The following ADARB2 variants were observed in gnomAD, a reference collection of about 807,000 sequenced individuals.
ADARB2 encodes the protein adenosine deaminase RNA specific B2 (inactive).
A neutral mutation model predicts 62.2 loss-of-function variants in ADARB2; 25 were observed. The ratio of observed to expected loss-of-function variants is 0.40; its 90% CI spans 0.29 to 0.56. The LOEUF is 0.56. ADARB2 is among the 20% of genes least tolerant of loss of function. The pLI is 0.43. For synonymous variants in ADARB2, 572 were observed against 500.8 expected, an observed-to-expected ratio of 1.14 and a Z score of -1.90; for missense variants, 1,071 against 1,077.4, an observed-to-expected ratio of 0.99 and a Z score of 0.08.
rs528401404 is a variant in ADARB2, at chr10:1,232,730, A to G, written c.1513+964T>C. Among the ~76,000 whole-genome samples, 16 of 61,900 alleles carry G rather than the reference A, an allele frequency of 2.6e-4. No individual in the cohort carries two copies. The Admixed American group carries it at 2.6e-3, about 10-fold the overall frequency. The allele number at this position is 61,900 out of a possible 152,430, so 40.6% of individuals were successfully genotyped here. A position where few individuals can be genotyped will look rare whatever the true frequency, so the allele number is the denominator to read the frequency against. On this transcript the variant is annotated intron_variant, in intron 6 of 9. Transcript: ENST00000381312. ...AGTGTATGTGGTATGTGTGTAGTGT[A>G]TGTGACATGAGTAGTGTATGTGGTA...
chr10:1,191,339 G>A (rs1589147190), intron 8 of ADARB2, among the ~76,000 whole-genome samples: 1 of 152,218 alleles, frequency 6.6e-6, no homozygotes, highest in East Asian at 1.9e-4. Flanking sequence ...CGGGGCACCC[G>A]GCACGTGCAC....
At chr10:1,534,637 C>T (rs1210785408) in intron 1 of ADARB2, 1 of 153,024 alleles carries the variant, frequency 6.5e-6, no homozygotes, top group African/African-American at 2.4e-5. Context: ...CCTGTTTTAC[C>T]CTGTGGTCTC....
intron 1 of ADARB2, among the ~76,000 whole-genome samples, chr10:1,462,049 C>G (rs1418201215): frequency 3.3e-5 from 5 of 152,192 alleles, no homozygotes; most frequent in Admixed American, 6.5e-5. Context: ...TTAATAATTA[C>G]TTTGCCATCA....
intron 1 of ADARB2, among the ~76,000 whole-genome samples, chr10:1,628,240 G>A (rs1198597352): frequency 6.6e-6 from 1 of 152,220 alleles, no homozygotes; most frequent in Admixed American, 6.5e-5. Context: ...GTCAAGGAGC[G>A]AGGGGGCCTC....
intron 3 of ADARB2, among the ~76,000 whole-genome samples, chr10:1,320,989 T>C (rs1202363648): frequency 6.6e-6 from 1 of 152,198 alleles, no homozygotes; most frequent in Non-Finnish European, 1.5e-5. Context: ...TGGGAACATA[T>C]TTTACTGTGA....
intron 1 of ADARB2, among the ~76,000 whole-genome samples, chr10:1,670,897 C>T (rs1834376080): frequency 6.6e-6 from 1 of 152,120 alleles, no homozygotes; most frequent in Admixed American, 6.5e-5. Context: ...GGAACTCAGA[C>T]GTCTGGAAGG....
chr10:1,289,913 T>A (rs2131810085), intron 3 of ADARB2: 1 of 152,354 alleles, frequency 6.6e-6, no homozygotes, highest in Admixed American at 6.5e-5. Context: ...AGGAGATGCG[T>A]TAGAGCAGGC....
chr10:1,706,152 C>A (rs1224040782), intron 1 of ADARB2, among the ~76,000 whole-genome samples: 1 of 152,190 alleles, frequency 6.6e-6, no homozygotes, highest in African/African-American at 2.4e-5. Context: ...CAGCTGTGTG[C>A]TCAAATTCAC....
intron 2 of ADARB2, among the ~76,000 whole-genome samples, chr10:1,375,061 A>G (rs1202716834): frequency 6.6e-6 from 1 of 152,094 alleles, no homozygotes; most frequent in Non-Finnish European, 1.5e-5. Context: ...AAGACTCGTC[A>G]CGCAGGACCC....
At position 1,307,287 on chromosome 10, in the gene ADARB2, C is replaced by T. The variant is rs1436824757; in HGVS notation, c.1078-36218G>A. ...GGGCGAAGGATATGAACAAACACTT[C>T]TCAAAAGAAGACATTTATGCAGCCA... is the stretch of plus-strand genomic sequence containing the variant. On this transcript the variant is annotated intron_variant, in intron 3 of 9. Transcript: ENST00000381312. 4.3e-5 allele frequency among the ~76,000 whole-genome samples: 4 copies of T among 92,522 alleles called. 1 individual carries two copies. Among genetic ancestry groups the T allele is most frequent in the Non-Finnish European group, 1.0e-4 (4 of 38,700 alleles). 60.7% of individuals were successfully genotyped at this position (92,522 alleles called of 152,430 possible). A position where few individuals can be genotyped will look rare whatever the true frequency, so the allele number is the denominator to read the frequency against.
intron 3 of ADARB2, among the ~76,000 whole-genome samples, chr10:1,330,634 T>C (rs1259262884): frequency 6.6e-6 from 1 of 152,206 alleles, no homozygotes; most frequent in Non-Finnish European, 1.5e-5. Context: ...CCAGATGAAA[T>C]GCTTAAACCC....
At chr10:1,495,850 T>C (rs1831682077) in intron 1 of ADARB2, among the ~76,000 whole-genome samples, 1 of 150,942 alleles carries the variant, frequency 6.6e-6, no homozygotes, top group East Asian at 2.0e-4. Flanking sequence ...TCATCAACAT[T>C]ACCATCATCT....
intron 2 of ADARB2, 93 bp downstream of exon 2, chr10:1,378,981 A>G (rs1832458414): frequency 3.8e-6 from 4 of 1,042,190 alleles, no homozygotes; most frequent in Admixed American, 1.8e-5. Flanking sequence ...CTCCCAGATG[A>G]CCCCAGGTAT....
At chr10:1,545,519 A>C (rs917308237) in intron 1 of ADARB2, among the ~76,000 whole-genome samples, 1 of 152,168 alleles carries the variant, frequency 6.6e-6, no homozygotes, top group Non-Finnish European at 1.5e-5. Context: ...AGTGACCTTG[A>C]CTGCGAATTT....
intron 4 of ADARB2, among the ~76,000 whole-genome samples, chr10:1,244,493 T>TA (rs1326373064): frequency 5.3e-5 from 8 of 152,176 alleles, no homozygotes; most frequent in Admixed American, 3.9e-4. Flanking sequence ...TGCTTTCCCT[T>TA]TACCCCTCAT....
At chr10:1,323,050 T>G (rs1831809500) in intron 3 of ADARB2, among the ~76,000 whole-genome samples, 1 of 152,114 alleles carries the variant, frequency 6.6e-6, no homozygotes, top group Non-Finnish European at 1.5e-5. Flanking sequence ...AGTGGAAAGT[T>G]TTTAAAAAGT....
intron 1 of ADARB2, among the ~76,000 whole-genome samples, chr10:1,730,301 C>G (rs111624755): frequency 1.1e-3 from 160 of 152,294 alleles, no homozygotes; most frequent in African/African-American, 3.5e-3. Context: ...CGGTACTTAA[C>G]ACCAAAAATA....
rs941864467 is a variant in ADARB2 at position 1,183,129 on chromosome 10, C to T, written c.*64G>A. 3.2e-5 allele frequency: 50 copies of T among 1,550,278 alleles called. No homozygotes were observed. The highest frequency in any genetic ancestry group is 4.3e-5 in the Non-Finnish European group (49 of 1,142,272). On this transcript the variant is annotated 3_prime_UTR_variant, in exon 10 of 10. Coordinates refer to ENST00000381312, the MANE Select transcript of ADARB2 (RefSeq NM_018702.4). ...GGGAACCGGCCGACCCGCCACGTCG[C>T]CCCCCAGACACGGTCCCATCCCTCC...
intron 3 of ADARB2, among the ~76,000 whole-genome samples, chr10:1,349,860 G>A (rs1040854614): frequency 1.3e-5 from 2 of 151,986 alleles, no homozygotes; most frequent in East Asian, 3.9e-4. Context: ...AGCCTGCCTT[G>A]GTCATTCACC....
Sources: gnomAD v4.1 joint callset for allele counts (sites outside exome capture counted in the v4.1 genomes callset) on GRCh38, gnomAD v4.1.1 for gene constraint, MANE v1.5 for transcripts, NCBI Gene and HGNC (gene_info 2026-07-23, HGNC 2026-07-21) for gene names.